Variants in NDUFAF6 observed in about 807,000 individuals in gnomAD.
NDUFAF6 encodes the protein NADH:ubiquinone oxidoreductase complex assembly factor 6, also known as NADH dehydrogenase (ubiquinone) complex I, assembly factor 6.
Under a neutral mutation model 40.8 loss-of-function variants are expected in NDUFAF6, and 45 were observed. The observed-to-expected ratio is 1.10, with a 90% CI of 0.87 to 1.42. The LOEUF is 1.42. NDUFAF6 is among the 40% of genes most tolerant of loss of function. The probability of loss-of-function intolerance (pLI) is 0.00; values close to 1 mark genes in which losing one functional copy is unlikely to be tolerated. For missense variants in NDUFAF6, 435 were observed against 418.5 expected (o/e 1.04, Z -0.34); for synonymous variants, 185 against 155.9 (o/e 1.19, Z -1.39).
chr8:95,013,700 T>C (rs547602423), intron 2 of NDUFAF6, among the ~76,000 whole-genome samples: 3 of 152,116 alleles, frequency 2.0e-5, no homozygotes, highest in African/African-American at 2.4e-5. Context: ...ATTAAGCCAG[T>C]AAAAACATAA....
At chr8:95,044,394 CAAAA>C (rs918132493) in intron 4 of NDUFAF6, 1 of 144,506 alleles carries the variant, frequency 6.9e-6, no homozygotes, top group Non-Finnish European at 1.5e-5. Context: ...AATTATGTCT[CAAAA>C]AAAACCATAA....
At chr8:95,101,009 ATTTG>A (rs1399779413) in intron 1 of NDUFAF6, 1 of 152,140 alleles carries the variant, frequency 6.6e-6, no homozygotes, top group Non-Finnish European at 1.5e-5. Context: ...TAATTTACCT[ATTTG>A]TTTAAGCAAT....
chr8:95,008,519 T>A (rs1827097148), intron 2 of NDUFAF6, among the ~76,000 whole-genome samples: 1 of 151,712 alleles, frequency 6.6e-6, no homozygotes, highest in African/African-American at 2.4e-5. Flanking sequence ...TAAACTGTTT[T>A]TTTGAGATGG....
At chr8:94,952,392 A>G (rs1445640901) in intron 2 of NDUFAF6, among the ~76,000 whole-genome samples, 1 of 152,250 alleles carries the variant, frequency 6.6e-6, no homozygotes. Flanking sequence ...GGAGAATGGC[A>G]AAGTGAAGTC....
chr8:94,975,770 C>T (rs1824864277), intron 1 of NDUFAF6: 1 of 152,186 alleles, frequency 6.6e-6, no homozygotes, highest in Admixed American at 6.5e-5. Context: ...TTATTTTCAG[C>T]ATCTTTTGCT....
chr8:94,955,709 T>C (rs193268888), upstream of NDUFAF6, among the ~76,000 whole-genome samples: 3 of 152,328 alleles, frequency 2.0e-5, no homozygotes, highest in East Asian at 5.8e-4. Context: ...TCTGAGAACT[T>C]GAGCCCCCTC....
chr8:95,090,557 C>A (rs1184504468), intron 2 of NDUFAF6, among the ~76,000 whole-genome samples: 1 of 152,158 alleles, frequency 6.6e-6, no homozygotes, highest in Non-Finnish European at 1.5e-5. Context: ...AAAGTTGAGT[C>A]ATGGTTCGCC....
intron 1 of NDUFAF6, among the ~76,000 whole-genome samples, chr8:94,942,492 A>G (rs1198453513): frequency 6.6e-6 from 1 of 152,170 alleles, no homozygotes; most frequent in Non-Finnish European, 1.5e-5. Flanking sequence ...AAAACTGTCT[A>G]CTAGACAGTC....
intron 2 of NDUFAF6, among the ~76,000 whole-genome samples, chr8:94,981,337 C>T (rs527873350): frequency 1.3e-5 from 2 of 152,222 alleles, no homozygotes; most frequent in South Asian, 2.1e-4. Flanking sequence ...TGATCTTGAA[C>T]GTCCTAGTCT....
rs571790506 is a variant in NDUFAF6 at position 95,086,784 on chromosome 8, T to C, written n.213+11032T>C. Among the ~76,000 whole-genome samples, 497 of 152,178 alleles carry C rather than the reference T, an allele frequency of 3.3e-3. 3 individuals are homozygous for C. The highest frequency in any genetic ancestry group is 0.011 in the African/African-American group (456 of 41,550). On this transcript the variant is annotated intron_variant and non_coding_transcript_variant, in intron 2 of 5. Transcript: ENST00000523184. ...GCCCGGCTAATTTTTTTTGTATTTT[T>C]AGTAGAGACGGGGTTTCACCGTGTT...
chr8:94,899,588 C>T (rs1266704206), intron 1 of NDUFAF6, among the ~76,000 whole-genome samples: 1 of 152,194 alleles, frequency 6.6e-6, no homozygotes, highest in Non-Finnish European at 1.5e-5. Flanking sequence ...GTGTAGTTTG[C>T]CTAAGATCCA....
rs1827940972 is a variant in NDUFAF6 at position 95,025,162 on chromosome 8, C to T, written c.154C>T (p.Pro52Ser). Residue 52 changes from proline (P) to serine (S), a missense_variant, in exon 1 of 9, where the codon CCG (proline) becomes TCG (serine). Transcript: ENST00000396124. ...SGRSVAAASG[P>S]GAWGTDHYCL... ...GCGGAGCGTGGCTGCGGCCAGCGGACCGGGCGCCTGGGGCACTGACCACTA... is the reference window on the plus strand; with the variant it reads ...GCGGAGCGTGGCTGCGGCCAGCGGATCGGGCGCCTGGGGCACTGACCACTA... The T allele has an allele frequency of 6.7e-7, 1 of 1,481,688 alleles. No homozygotes were observed. The highest frequency in any genetic ancestry group is 8.9e-7 in the Non-Finnish European group (1 of 1,127,212). The allele number at this position is 1,481,688 out of a possible 1,614,324, so 91.8% of individuals were successfully genotyped here.
upstream of NDUFAF6, among the ~76,000 whole-genome samples, chr8:95,021,189 ACTGTCCT>A (rs1166921662): frequency 6.6e-6 from 1 of 152,176 alleles, no homozygotes; most frequent in Non-Finnish European, 1.5e-5. Flanking sequence ...ATTTGCCAGG[ACTGTCCT>A]CTGTGTAGCT....
chr8:95,054,053 C>T (rs1217884742), intron 8 of NDUFAF6, among the ~76,000 whole-genome samples: 1 of 150,866 alleles, frequency 6.6e-6, no homozygotes, highest in African/African-American at 2.4e-5. Flanking sequence ...GGTGATCCTC[C>T]CACCTCAGCC....
At chr8:95,018,736 G>A (rs1298466479) in intron 2 of NDUFAF6, among the ~76,000 whole-genome samples, 1 of 152,198 alleles carries the variant, frequency 6.6e-6, no homozygotes, top group East Asian at 1.9e-4. Flanking sequence ...GGTGCCAAAA[G>A]AGAAATGAGA....
intron 1 of NDUFAF6, among the ~76,000 whole-genome samples, chr8:94,959,773 C>T (rs912036534): frequency 5.3e-5 from 8 of 152,182 alleles, no homozygotes; most frequent in South Asian, 2.1e-4. Flanking sequence ...TTCCTGGGCT[C>T]AAGTGATCCT....
At chr8:94,953,751 C>T (rs894702467), upstream of NDUFAF6, among the ~76,000 whole-genome samples, 1 of 152,212 alleles carries the variant, frequency 6.6e-6, no homozygotes, top group African/African-American at 2.4e-5. Context: ...TTACTACTTA[C>T]ATAAGCCACA....
Position 95,057,845 on chromosome 8 carries a change from G to A in NDUFAF6, c.910G>A (p.Val304Met). Reference protein sequence around the residue: ...LEDFLKKIQRVDFDIFHPSLQ... With the variant: ...LEDFLKKIQRMDFDIFHPSLQ... ...GGACTTTCTAAAGAAAATTCAGCGA[G>A]TGGATTTTGATATATTCCACCCATC... is the stretch of plus-strand genomic sequence containing the variant. The change falls in exon 9 of 9, where the codon GTG becomes ATG. Residue 304 changes from valine (V) to methionine (M), a missense_variant. Physicochemically the swap from Val to Met is conservative, Grantham distance 21. Transcript: ENST00000396124. 1.2e-6 allele frequency: 2 copies of A among 1,612,012 alleles called. No individual in the cohort carries two copies. The highest frequency in any genetic ancestry group is 1.7e-6 in the Non-Finnish European group (2 of 1,178,688).
intron 1 of NDUFAF6, chr8:94,940,297 T>G (rs1821404736): frequency 2.7e-6 from 4 of 1,493,578 alleles, no homozygotes; most frequent in East Asian, 2.3e-5. Context: ...CATTGGGCAG[T>G]CATTATAAAG....
Sources: allele counts gnomAD v4.1 joint callset (sites outside exome capture counted in the v4.1 genomes callset), GRCh38; gene constraint gnomAD v4.1.1; transcripts MANE v1.5; gene names NCBI Gene and HGNC (gene_info 2026-07-23, HGNC 2026-07-21).